The following RANBP9 variants were observed in gnomAD, a reference collection of about 807,000 sequenced individuals.
The protein encoded by RANBP9 is ran-binding protein 9.
Under a neutral mutation model 84.3 loss-of-function variants are expected in RANBP9, and 15 were observed. That is an observed-to-expected ratio of 0.18 (90% CI 0.12 to 0.27). The LOEUF (loss-of-function observed/expected upper bound fraction) is 0.27. Ranked by LOEUF, RANBP9 falls within the 10% of genes least tolerant of loss-of-function variation. The pLI is 1.00. For missense variants in RANBP9, 809 were observed against 912.8 expected (o/e 0.89, Z 1.46); for synonymous variants, 392 against 349.6 (o/e 1.12, Z -1.35).
chr6:13,633,488 A>G (rs1764847294), intron 11 of RANBP9, among the ~76,000 whole-genome samples: 2 of 152,224 alleles, frequency 1.3e-5, no homozygotes, highest in African/African-American at 2.4e-5. Context: ...TACTTTCACA[A>G]TAACTTATGA....
At chr6:13,697,873 C>A (rs140869032) in intron 1 of RANBP9, among the ~76,000 whole-genome samples, 1 of 152,172 alleles carries the variant, frequency 6.6e-6, no homozygotes, top group African/African-American at 2.4e-5. Flanking sequence ...ATATGCTCCA[C>A]GCAATACAAA....
At chr6:13,673,779 T>C (rs539461560) in intron 2 of RANBP9, among the ~76,000 whole-genome samples, 2 of 152,218 alleles carry the variant, frequency 1.3e-5, no homozygotes, top group African/African-American at 4.8e-5. Context: ...TGGAATAATA[T>C]ACAATGCTCA....
At chr6:13,643,653 T>G (rs946579613) in intron 6 of RANBP9, among the ~76,000 whole-genome samples, 1 of 152,064 alleles carries the variant, frequency 6.6e-6, no homozygotes, top group Non-Finnish European at 1.5e-5. Context: ...GATAAATGTT[T>G]TCTACTATCT....
intron 5 of RANBP9, 134 bp from the exon 6 acceptor site, chr6:13,644,863 G>A (rs1219972160): frequency 1.3e-6 from 1 of 746,614 alleles, no homozygotes; most frequent in Non-Finnish European, 2.0e-6. Context: ...ATATTAGAAG[G>A]CTAAAACAAA....
intron 12 of RANBP9, among the ~76,000 whole-genome samples, chr6:13,628,440 TAGGAGCTA>T (rs965658665): frequency 6.6e-6 from 1 of 152,206 alleles, no homozygotes; most frequent in African/African-American, 2.4e-5. Context: ...GGGTAGGGGT[TAGGAGCTA>T]AAATACCCCA....
intron 2 of RANBP9, among the ~76,000 whole-genome samples, chr6:13,662,272 G>A (rs1765552259): frequency 1.3e-5 from 2 of 152,146 alleles, no homozygotes; most frequent in African/African-American, 4.8e-5. Flanking sequence ...AAATATCCAT[G>A]CTCAAAAGAA....
intron 12 of RANBP9, among the ~76,000 whole-genome samples, chr6:13,626,275 A>G (rs990973457): frequency 6.6e-6 from 1 of 152,180 alleles, no homozygotes; most frequent in African/African-American, 2.4e-5. Context: ...AGTATTTCCA[A>G]CTATCTCAAG....
intron 1 of RANBP9, among the ~76,000 whole-genome samples, chr6:13,698,665 C>T (rs748557009): frequency 3.9e-5 from 6 of 152,006 alleles, no homozygotes. Context: ...TATTTAATAC[C>T]GTGTGAAAGG....
chr6:13,629,755 A>AG (rs1334550101), intron 12 of RANBP9, among the ~76,000 whole-genome samples: 1 of 152,234 alleles, frequency 6.6e-6, no homozygotes, highest in Non-Finnish European at 1.5e-5. Flanking sequence ...TGGAAGACGT[A>AG]GGCAGATAAG....
chr6:13,626,686 T>C (rs115228683), intron 12 of RANBP9, among the ~76,000 whole-genome samples: 1 of 151,888 alleles, frequency 6.6e-6, no homozygotes, highest in Non-Finnish European at 1.5e-5. Flanking sequence ...ACATGGAGAG[T>C]TGCTGCAGAA....
intron 2 of RANBP9, among the ~76,000 whole-genome samples, chr6:13,660,873 T>C (rs1765525789): frequency 6.6e-6 from 1 of 152,204 alleles, no homozygotes; most frequent in Non-Finnish European, 1.5e-5. Context: ...CAATATAAAA[T>C]GTTAAGTATT....
At chr6:13,651,199 T>C (rs1765287336) in intron 5 of RANBP9, among the ~76,000 whole-genome samples, 1 of 152,092 alleles carries the variant, frequency 6.6e-6, no homozygotes, top group Admixed American at 6.5e-5. Context: ...GTTAGTTTTT[T>C]TCCCCCTTGG....
At chr6:13,666,083 G>C (rs1484036817) in intron 2 of RANBP9, among the ~76,000 whole-genome samples, 2 of 152,074 alleles carry the variant, frequency 1.3e-5, no homozygotes, top group African/African-American at 2.4e-5. Context: ...TTATCAAAGA[G>C]TACACTTAAG....
Position 13,625,749 on chromosome 6 carries a change from G to A in RANBP9, c.1963C>T (p.Leu655=), listed in dbSNP as rs565859388. ...KKMLKDAFSL[L]AYSDPWNSPV... is the part of the protein sequence containing the mutation. ...CTGTTCCAGGGATCTGAATATGCTA[G>A]TAGACTGAATGCATCCTGTTGAAAA... is the stretch of plus-strand genomic sequence containing the variant. The change falls in exon 13 of 14, where the codon CTA becomes TTA. Residue 655 remains leucine, a synonymous_variant. Transcript: ENST00000011619. 1 of 1,607,374 alleles carries A rather than the reference G, an allele frequency of 6.2e-7. No individual in the cohort carries two copies. Among genetic ancestry groups the A allele is most frequent in the Admixed American group, 1.7e-5 (1 of 59,998 alleles).
At chr6:13,627,275 C>T (rs1449167461) in intron 12 of RANBP9, among the ~76,000 whole-genome samples, 1 of 152,102 alleles carries the variant, frequency 6.6e-6, no homozygotes, top group Non-Finnish European at 1.5e-5. Flanking sequence ...CCCACACTTC[C>T]CAACCCATGG....
chr6:13,645,335 A>G (rs1196778090), intron 5 of RANBP9, among the ~76,000 whole-genome samples: 2 of 152,094 alleles, frequency 1.3e-5, no homozygotes, highest in African/African-American at 4.8e-5. Context: ...AACCTCAAAT[A>G]TATGTATTTC....
chr6:13,630,604 A>T (rs1287462293), intron 12 of RANBP9, among the ~76,000 whole-genome samples: 1 of 152,134 alleles, frequency 6.6e-6, no homozygotes, highest in Admixed American at 6.5e-5. Context: ...GGGTCCAAAA[A>T]CCTTTCAGGG....
At chr6:13,666,183 T>G (rs974319183) in intron 2 of RANBP9, among the ~76,000 whole-genome samples, 2 of 152,086 alleles carry the variant, frequency 1.3e-5, no homozygotes, top group Admixed American at 6.6e-5. Flanking sequence ...TAATGATATA[T>G]ACATGCTGTA....
chr6:13,641,419 AT>A, intron 7 of RANBP9, 112 bp from the exon 8 acceptor site: 1 of 639,692 alleles, frequency 1.6e-6, no homozygotes, highest in Non-Finnish European at 2.6e-6. Flanking sequence ...ATTATGATTA[AT>A]TTCAATTTCT....
Sources: allele counts gnomAD v4.1 joint callset (sites outside exome capture counted in the v4.1 genomes callset), GRCh38; gene constraint gnomAD v4.1.1; transcripts MANE v1.5; gene names NCBI Gene and HGNC (gene_info 2026-07-23, HGNC 2026-07-21).